The following DNAJB13 variants were observed in gnomAD, a reference collection of about 807,000 sequenced individuals.
DNAJB13 encodes the protein DnaJ heat shock protein family (Hsp40) member B13, also known as dnaJ homolog subfamily B member 13.
In DNAJB13, 22 loss-of-function variants were observed where a neutral mutation model predicts 35.6. The observed-to-expected ratio is 0.62, with a 90% CI of 0.44 to 0.88. DNAJB13 has a LOEUF of 0.88. DNAJB13 is among the 40% of genes least tolerant of loss of function. The pLI, the probability that DNAJB13 is intolerant of heterozygous loss-of-function variation, is 0.00. For missense variants in DNAJB13, 370 were observed against 384.3 expected (o/e 0.96, Z 0.31); for synonymous variants, 136 against 144.2 (o/e 0.94, Z 0.41).
At chr11:73,957,508 G>C (rs1950784369) in intron 1 of DNAJB13, among the ~76,000 whole-genome samples, 1 of 152,192 alleles carries the variant, frequency 6.6e-6, no homozygotes, top group Non-Finnish European at 1.5e-5. Flanking sequence ...CAGACGCTGC[G>C]ATGTCTGCCC....
Position 73,958,524 on chromosome 11 carries a change from C to T in DNAJB13, c.172+104C>T, listed in dbSNP as rs1565170754. 4.8e-6 allele frequency: 5 copies of T among 1,036,064 alleles called. No homozygotes were observed. The Admixed American group carries it at 6.5e-5, about 13-fold the overall frequency. The allele number at this position is 1,036,064 out of a possible 1,614,324, so 64.2% of individuals were successfully genotyped here. A position where few individuals can be genotyped will look rare whatever the true frequency, so the allele number is the denominator to read the frequency against. On this transcript the variant is annotated intron_variant, in intron 2 of 7. Coordinates refer to ENST00000339764, the MANE Select transcript of DNAJB13 (RefSeq NM_153614.4). ...GGCCCAATAACGAGGAAGCATCCTT[C>T]TTCCCTGCCTAGAATCTAGACACAC...
chr11:73,968,279 G>A (rs1168880644), intron 5 of DNAJB13, 66 bp from the exon 6 acceptor site: 3 of 1,354,760 alleles, frequency 2.2e-6, no homozygotes. Flanking sequence ...GACAAGTAGA[G>A]GCAGGAACTT....
intron 5 of DNAJB13, 124 bp downstream of exon 5, chr11:73,966,375 GC>G (rs1565177451): frequency 2.3e-6 from 2 of 856,088 alleles, no homozygotes; most frequent in African/African-American, 1.7e-5. Context: ...TCTGTAGAGA[GC>G]CCAGTCTGCA....
intron 1 of DNAJB13, among the ~76,000 whole-genome samples, chr11:73,953,436 C>T (rs1037806261): frequency 1.3e-5 from 2 of 152,252 alleles, no homozygotes; most frequent in Admixed American, 6.5e-5. Context: ...CCGAGCTCCC[C>T]GAGTGTACAA....
At chr11:73,956,671 C>T (rs1215852977) in intron 1 of DNAJB13, among the ~76,000 whole-genome samples, 3 of 151,932 alleles carry the variant, frequency 2.0e-5, no homozygotes, top group African/African-American at 7.3e-5. Flanking sequence ...GGCGTGGTGG[C>T]TCGCGCCTGT....
intron 4 of DNAJB13, 38 bp downstream of exon 4, chr11:73,965,073 C>T: frequency 6.5e-7 from 1 of 1,527,084 alleles, no homozygotes; most frequent in Non-Finnish European, 8.8e-7. Flanking sequence ...AGCCACCTAT[C>T]TCCTGCAGCC....
Position 73,964,967 on chromosome 11 carries a change from C to T in DNAJB13, c.424C>T (p.Arg142Trp), listed in dbSNP as rs753932115. Residue 142 changes from arginine (R) to tryptophan (W), a missense_variant, in exon 4 of 8, where the codon CGG becomes TGG. Physicochemically the swap from Arg to Trp is moderately radical, Grantham distance 101. Coordinates refer to ENST00000339764, the MANE Select transcript of DNAJB13 (RefSeq NM_153614.4). The stretch of plus-strand genomic sequence containing the variant: ...CAAGAAGCAGGACCCCCAAGTCGAA[C>T]GGGATCTCTACCTGTCCCTGGAGGA... ...GVKKQDPQVERDLYLSLEDLF... is the reference protein window; with the variant it reads ...GVKKQDPQVEWDLYLSLEDLF... 6.2e-6 allele frequency: 10 copies of T among 1,612,986 alleles called. No homozygotes were observed. The highest frequency in any genetic ancestry group is 4.4e-5 in the South Asian group (4 of 90,916).
intron 7 of DNAJB13, 59 bp downstream of exon 7, chr11:73,969,381 T>G: frequency 2.3e-6 from 2 of 854,810 alleles, no homozygotes; most frequent in Non-Finnish European, 2.0e-6. Flanking sequence ...GGGATTTAGG[T>G]GGTAGTGTGA....
At chr11:73,952,438 C>T (rs1321600329) in intron 1 of DNAJB13, among the ~76,000 whole-genome samples, 1 of 152,214 alleles carries the variant, frequency 6.6e-6, no homozygotes, top group Non-Finnish European at 1.5e-5. Context: ...TATTATCCCA[C>T]AAGTGCACTA....
intron 6 of DNAJB13, 96 bp from the exon 7 acceptor site, chr11:73,969,150 C>A: frequency 1.6e-6 from 1 of 623,524 alleles, no homozygotes; most frequent in South Asian, 2.3e-5. Context: ...GTGCCCAACT[C>A]ACAGTCTGGC....
chr11:73,967,684 G>A (rs898314452), intron 5 of DNAJB13, among the ~76,000 whole-genome samples: 4 of 152,230 alleles, frequency 2.6e-5, no homozygotes, highest in African/African-American at 9.7e-5. Flanking sequence ...GGTCAAGGCT[G>A]CAGTGAAGTA....
chr11:73,961,684 AAG>A (rs774585602), intron 3 of DNAJB13, among the ~76,000 whole-genome samples: 13 of 152,238 alleles, frequency 8.5e-5, no homozygotes, highest in Non-Finnish European at 1.8e-4. Flanking sequence ...CCTTAGCTGC[AAG>A]AGAGTCTGGG....
intron 5 of DNAJB13, among the ~76,000 whole-genome samples, chr11:73,967,716 G>T (rs919284587): frequency 1.3e-5 from 2 of 152,214 alleles, no homozygotes; most frequent in African/African-American, 2.4e-5. Flanking sequence ...CTGCACTTCA[G>T]CCTGGGCAAC....
rs1379178203 is a variant in DNAJB13 at position 73,970,037 on chromosome 11, ATCT to A, written c.880_882del (p.Phe294del). On this transcript the variant is annotated inframe_deletion, in exon 8 of 8. Transcript: ENST00000339764. ...CCCCACTAAGAAAGGGGATCTCTTC[ATCT>A]TCTTCGACATCCAGTTCCCCACCCG... 13 of 1,611,392 alleles carry A rather than the reference ATCT, an allele frequency of 8.1e-6. No individual in the cohort carries two copies. The highest frequency in any genetic ancestry group is 1.1e-5 in the Non-Finnish European group (13 of 1,178,696).
chr11:73,951,797 C>T (rs1360763235), intron 1 of DNAJB13, among the ~76,000 whole-genome samples: 1 of 152,112 alleles, frequency 6.6e-6, no homozygotes, highest in Admixed American at 6.6e-5. Context: ...CAGGCATGCA[C>T]CACCATGCCC....
chr11:73,965,518 T>TTGGCCCTGTCCCATGGCC (rs1951087654), intron 4 of DNAJB13: 1 of 162,464 alleles, frequency 6.2e-6, no homozygotes, highest in South Asian at 1.6e-4. Context: ...AGTCCTTGGC[T>TTGGCCCTGTCCCATGGCC]TGGCCCTGTC....
chr11:73,954,629 CAAA>C (rs371177631), intron 1 of DNAJB13, among the ~76,000 whole-genome samples: 3 of 111,632 alleles, frequency 2.7e-5, no homozygotes, highest in South Asian at 2.8e-4. Context: ...GACTCCGTCT[CAAA>C]AAAAAAAAAT....
chr11:73,963,194 AC>A (rs1478506191), intron 3 of DNAJB13, among the ~76,000 whole-genome samples: 12 of 151,982 alleles, frequency 7.9e-5, no homozygotes, highest in Admixed American at 2.0e-4. Context: ...AAACAAAAAA[AC>A]AAAGCCAGGC....
At chr11:73,967,432 C>T (rs1416958523) in intron 5 of DNAJB13, among the ~76,000 whole-genome samples, 1 of 152,068 alleles carries the variant, frequency 6.6e-6, no homozygotes, top group African/African-American at 2.4e-5. Context: ...CACTTTTTGC[C>T]CCCTTTCTCA....
Sources: allele counts gnomAD v4.1 joint callset (sites outside exome capture counted in the v4.1 genomes callset), GRCh38; gene constraint gnomAD v4.1.1; transcripts MANE v1.5; gene names NCBI Gene and HGNC (gene_info 2026-07-23, HGNC 2026-07-21).